The following TTC29 variants were observed in gnomAD, a reference collection of about 807,000 sequenced individuals.
TTC29 encodes the protein tetratricopeptide repeat protein 29.
A neutral mutation model predicts 58.1 loss-of-function variants in TTC29; 49 were observed. The ratio of observed to expected loss-of-function variants is 0.84; its 90% CI spans 0.67 to 1.07. TTC29 has a LOEUF of 1.07. Among genes scored for constraint, TTC29 ranks in the 50% least tolerant of loss-of-function variants. The pLI, the probability that TTC29 is intolerant of heterozygous loss-of-function variation, is 0.00. For synonymous variants in TTC29, 209 were observed against 196.8 expected, an observed-to-expected ratio of 1.06 and a Z score of -0.52; for missense variants, 582 against 555.6, an observed-to-expected ratio of 1.05 and a Z score of -0.48.
chr4:146,882,630 A>G (rs1025164539), intron 6 of TTC29, among the ~76,000 whole-genome samples: 4 of 152,138 alleles, frequency 2.6e-5, no homozygotes, highest in Admixed American at 2.0e-4. Flanking sequence ...CTTGAATTAT[A>G]TATTGCTCAT....
Position 146,708,308 on chromosome 4 carries a change from TTATATATATATA to T in TTC29, c.1331-769_1331-758del, listed in dbSNP as rs59963230. ...AATAATGAAGTCAAATATGGGAAGTTTATATATATATATATATATATATATATATATATATAT... is the reference window on the plus strand; with the variant it reads ...AATAATGAAGTCAAATATGGGAAGTTTATATATATATATATATATATATAT... On this transcript the variant is annotated intron_variant, in intron 11 of 12. Transcript: ENST00000325106. Among the ~76,000 whole-genome samples, 54 of 62,196 alleles carry T rather than the reference TTATATATATATA, an allele frequency of 8.7e-4. 1 individual carries two copies. The South Asian group carries it at 0.011, about 13-fold the overall frequency. The allele number at this position is 62,196 out of a possible 152,430, so 40.8% of individuals were successfully genotyped here. A position where few individuals can be genotyped will look rare whatever the true frequency, so the allele number is the denominator to read the frequency against.
At chr4:146,861,905 A>C (rs1159659067) in intron 8 of TTC29, among the ~76,000 whole-genome samples, 5 of 152,336 alleles carry the variant, frequency 3.3e-5, no homozygotes, top group African/African-American at 4.8e-5. Context: ...CCAATTCATC[A>C]ATTTGAAATA....
chr4:146,898,993 A>C (rs933949198), intron 6 of TTC29, among the ~76,000 whole-genome samples: 1 of 152,172 alleles, frequency 6.6e-6, no homozygotes, highest in Non-Finnish European at 1.5e-5. Context: ...TTAGCTCATC[A>C]TGGGGAAGCG....
intron 10 of TTC29, among the ~76,000 whole-genome samples, chr4:146,811,061 CCAAT>C (rs1382653371): frequency 6.6e-6 from 1 of 152,078 alleles, no homozygotes; most frequent in Non-Finnish European, 1.5e-5. Flanking sequence ...GTCACTAGCA[CCAAT>C]CAAATGATCA....
chr4:146,825,334 A>G (rs991246638), intron 9 of TTC29, among the ~76,000 whole-genome samples: 1 of 151,938 alleles, frequency 6.6e-6, no homozygotes, highest in Non-Finnish European at 1.5e-5. Flanking sequence ...AGAACTTCTT[A>G]ATCTCCATCC....
At chr4:146,927,207 T>C (rs1262267064) in intron 4 of TTC29, among the ~76,000 whole-genome samples, 1 of 152,204 alleles carries the variant, frequency 6.6e-6, no homozygotes, top group Non-Finnish European at 1.5e-5. Context: ...AGTTTATAAT[T>C]ATTAACTCAA....
intron 11 of TTC29, among the ~76,000 whole-genome samples, chr4:146,707,918 CT>C (rs569670666): frequency 8.0e-4 from 121 of 152,094 alleles, no homozygotes; most frequent in Middle Eastern, 3.4e-3. Flanking sequence ...TCTTAGGATA[CT>C]TTTTTTGGAG....
At chr4:146,824,972 T>C (rs1727673188) in intron 9 of TTC29, among the ~76,000 whole-genome samples, 1 of 152,186 alleles carries the variant, frequency 6.6e-6, no homozygotes, top group Non-Finnish European at 1.5e-5. Flanking sequence ...TTTTATTGTG[T>C]CTATTTGATT....
At chr4:146,832,780 C>T (rs1204742327) in intron 9 of TTC29, among the ~76,000 whole-genome samples, 1 of 152,128 alleles carries the variant, frequency 6.6e-6, no homozygotes, top group Non-Finnish European at 1.5e-5. Flanking sequence ...GCGTGAGCCA[C>T]CGTGCCTGGC....
In TTC29 at chr4:146,925,538, T is replaced by C. The variant is rs182058648; in HGVS notation, c.176+12056A>G. 3.6e-3 allele frequency among the ~76,000 whole-genome samples: 549 copies of C among 152,268 alleles called. 7 individuals carry two copies. The highest frequency in any genetic ancestry group is 4.3e-3 in the Non-Finnish European group (291 of 67,988). On this transcript the variant is annotated intron_variant, in intron 4 of 12. Coordinates refer to ENST00000325106, the MANE Select transcript of TTC29 (RefSeq NM_031956.4). ...CCTTCCTTATCATGGTAAGAATTTA[T>C]TATCCTTTGTACTTCTGTGTGGCCA...
chr4:146,820,931 C>G (rs1751772916), intron 9 of TTC29, among the ~76,000 whole-genome samples: 1 of 151,716 alleles, frequency 6.6e-6, no homozygotes, highest in South Asian at 2.1e-4. Context: ...ACTCAGGAGG[C>G]TGAGGCAGGA....
chr4:146,755,840 C>G (rs747662378), intron 11 of TTC29, among the ~76,000 whole-genome samples: 61 of 152,098 alleles, frequency 4.0e-4, no homozygotes, highest in Non-Finnish European at 6.0e-4. Context: ...CAAGTCTACC[C>G]TATTCCAAAA....
chr4:146,707,399 C>G (rs1742038214), intron 12 of TTC29, 86 bp downstream of exon 12: 3 of 1,014,416 alleles, frequency 3.0e-6, no homozygotes, highest in Non-Finnish European at 4.4e-6. Context: ...TGAAGCTCCT[C>G]TTTTTGTGTT....
chr4:146,814,062 T>C (rs1490330422), intron 10 of TTC29, among the ~76,000 whole-genome samples: 1 of 152,212 alleles, frequency 6.6e-6, no homozygotes, highest in Non-Finnish European at 1.5e-5. Flanking sequence ...TTAAGTGGTA[T>C]GAAACTGGTT....
At chr4:146,722,846 C>T (rs1443982606) in intron 11 of TTC29, among the ~76,000 whole-genome samples, 2 of 152,080 alleles carry the variant, frequency 1.3e-5, no homozygotes, top group Non-Finnish European at 2.9e-5. Context: ...TACAGGTATG[C>T]ACCGCCATAC....
intron 8 of TTC29, among the ~76,000 whole-genome samples, chr4:146,866,869 G>A (rs1039686771): frequency 2.0e-5 from 3 of 152,132 alleles, no homozygotes; most frequent in Non-Finnish European, 4.4e-5. Flanking sequence ...CATAGTAGAG[G>A]TAAGAGAAGA....
At chr4:146,763,847 G>GT (rs1747091536) in intron 11 of TTC29, 1 of 152,006 alleles carries the variant, frequency 6.6e-6, no homozygotes, top group Non-Finnish European at 1.5e-5. Context: ...TTTTCAATCT[G>GT]TATCTTATTC....
At position 146,927,316 on chromosome 4, in the gene TTC29, A is replaced by G. The variant is rs531075887; in HGVS notation, c.176+10278T>C. Among the ~76,000 whole-genome samples the G allele has an allele frequency of 5.3e-5, 8 of 152,242 alleles. No homozygotes were observed. The East Asian group carries it at 1.3e-3, about 26-fold the overall frequency. On this transcript the variant is annotated intron_variant, in intron 4 of 12. Transcript: ENST00000325106. ...AGGTTAAGTAACTTCCCCAAAGTCAACCATTTACTTTGTTAATGAGAGTAA... is the reference window on the plus strand; with the variant it reads ...AGGTTAAGTAACTTCCCCAAAGTCAGCCATTTACTTTGTTAATGAGAGTAA...
At chr4:146,741,435 T>C (rs1284729553) in intron 11 of TTC29, among the ~76,000 whole-genome samples, 3 of 152,036 alleles carry the variant, frequency 2.0e-5, no homozygotes, top group African/African-American at 4.8e-5. Context: ...TGTCCAACAA[T>C]GGGCAGAGAT....
Sources: gnomAD v4.1 joint callset for allele counts (sites outside exome capture counted in the v4.1 genomes callset) on GRCh38, gnomAD v4.1.1 for gene constraint, MANE v1.5 for transcripts, NCBI Gene and HGNC (gene_info 2026-07-23, HGNC 2026-07-21) for gene names.